Variants in HCRTR2 observed in about 807,000 individuals in gnomAD.
HCRTR2 encodes hypocretin receptor 2, also known as orexin receptor type 2.
A neutral mutation model predicts 49.0 loss-of-function variants in HCRTR2; 22 were observed. The ratio of observed to expected loss-of-function variants is 0.45; its 90% CI spans 0.32 to 0.64. The LOEUF is 0.64. HCRTR2 is among the 30% of genes least tolerant of loss of function. The pLI is 0.04. For missense variants in HCRTR2, 491 were observed against 559.4 expected (o/e 0.88, Z 1.23); for synonymous variants, 236 against 205.3 (o/e 1.15, Z -1.28).
intron 1 of HCRTR2, among the ~76,000 whole-genome samples, chr6:55,204,228 A>T (rs1413368292): frequency 6.6e-6 from 1 of 152,120 alleles, no homozygotes; most frequent in Non-Finnish European, 1.5e-5. Flanking sequence ...TGGTAGATGA[A>T]TACCCCAGCT....
chr6:55,161,954 A>G (rs1399994662), intron 1 of HCRTR2, among the ~76,000 whole-genome samples: 2 of 152,204 alleles, frequency 1.3e-5, no homozygotes, highest in African/African-American at 4.8e-5. Flanking sequence ...AACAACAGAA[A>G]AAGAAAGACT....
intron 1 of HCRTR2, among the ~76,000 whole-genome samples, chr6:55,225,832 G>A (rs1765993503): frequency 6.6e-6 from 1 of 152,150 alleles, no homozygotes; most frequent in Non-Finnish European, 1.5e-5. Context: ...AAGTATAAAT[G>A]TAATTAAATG....
chr6:55,169,739 A>G (rs1764922691), upstream of HCRTR2, among the ~76,000 whole-genome samples: 1 of 152,156 alleles, frequency 6.6e-6, no homozygotes, highest in Non-Finnish European at 1.5e-5. Flanking sequence ...AGCAAAGGAA[A>G]GAAAGCAACT....
At chr6:55,200,604 C>T (rs187127848) in intron 1 of HCRTR2, among the ~76,000 whole-genome samples, 2 of 152,212 alleles carry the variant, frequency 1.3e-5, no homozygotes, top group African/African-American at 4.8e-5. Flanking sequence ...TCTTCTTCTG[C>T]CCTGCTTATA....
intron 4 of HCRTR2, among the ~76,000 whole-genome samples, chr6:55,268,879 A>G (rs1030080448): frequency 6.6e-6 from 1 of 151,946 alleles, no homozygotes; most frequent in Admixed American, 6.6e-5. Context: ...TCACGAGGTC[A>G]GAAGATTGAG....
At chr6:55,283,500 C>G (rs894863739), downstream of HCRTR2, among the ~76,000 whole-genome samples, 2 of 151,918 alleles carry the variant, frequency 1.3e-5, no homozygotes, top group African/African-American at 4.8e-5. Flanking sequence ...GGCTGAGTAC[C>G]AGGTGGTTAA....
chr6:55,123,008 C>A (rs1581783356), intron 1 of HCRTR2, among the ~76,000 whole-genome samples: 1 of 151,048 alleles, frequency 6.6e-6, no homozygotes, highest in African/African-American at 2.4e-5. Flanking sequence ...AGGAGATATA[C>A]CTAAAGTAAA....
At chr6:55,183,584 G>A (rs1765168800) in intron 1 of HCRTR2, among the ~76,000 whole-genome samples, 1 of 152,160 alleles carries the variant, frequency 6.6e-6, no homozygotes. Flanking sequence ...TCATTGGTTT[G>A]CATTTTCCAT....
At chr6:55,177,119 G>A (rs985216384) in intron 1 of HCRTR2, among the ~76,000 whole-genome samples, 1 of 152,150 alleles carries the variant, frequency 6.6e-6, no homozygotes, top group Non-Finnish European at 1.5e-5. Context: ...TCTACAGTAA[G>A]GCTACTTGTT....
intron 4 of HCRTR2, among the ~76,000 whole-genome samples, chr6:55,269,087 CAA>C (rs1158724252): frequency 0.022 from 1,216 of 55,698 alleles, 15 homozygotes; most frequent in Middle Eastern, 0.07. Flanking sequence ...GACTCCGTCT[CAA>C]AAAAAAAAAA....
At position 55,128,001 on chromosome 6, in the gene HCRTR2, C is replaced by T. The variant is rs186274293; in HGVS notation, c.-378+21456C>T. Among the ~76,000 whole-genome samples, 5 of 152,260 alleles carry T rather than the reference C, an allele frequency of 3.3e-5. No homozygotes were observed. In the East Asian group the frequency reaches 9.6e-4, roughly 29 times the overall value. On this transcript the variant is annotated intron_variant, in intron 1 of 7. Transcript: ENST00000615358. ...CTTTGTCATGAAATCTTTGCCTATT[C>T]CTATGCCCTGAATGGTATTGCCCAG...
At chr6:55,223,040 T>C (rs1384655908) in intron 1 of HCRTR2, among the ~76,000 whole-genome samples, 1 of 152,224 alleles carries the variant, frequency 6.6e-6, no homozygotes, top group Non-Finnish European at 1.5e-5. Context: ...GTTTACTTAA[T>C]TTGTTAATAT....
intron 1 of HCRTR2, among the ~76,000 whole-genome samples, chr6:55,192,519 G>T (rs1765337303): frequency 6.6e-6 from 1 of 152,102 alleles, no homozygotes; most frequent in African/African-American, 2.4e-5. Flanking sequence ...AGCCCAGGAA[G>T]TCGAGGCTAC....
intron 1 of HCRTR2, among the ~76,000 whole-genome samples, chr6:55,113,236 A>G (rs1183403250): frequency 6.6e-6 from 1 of 152,096 alleles, no homozygotes; most frequent in Non-Finnish European, 1.5e-5. Context: ...CTTCATGACC[A>G]AGAACCCCAA....
At chr6:55,206,199 G>GAAAA (rs1765597955) in intron 1 of HCRTR2, among the ~76,000 whole-genome samples, 3 of 151,986 alleles carry the variant, frequency 2.0e-5, no homozygotes, top group Non-Finnish European at 4.4e-5. Flanking sequence ...CTGAGTTATG[G>GAAAA]CTCAAGAGCT....
At chr6:55,249,052 T>C (rs139452895) in intron 2 of HCRTR2, among the ~76,000 whole-genome samples, 73 of 152,280 alleles carry the variant, frequency 4.8e-4, no homozygotes, top group Admixed American at 2.0e-3. Context: ...GCACAACTTT[T>C]TTGATTACTA....
chr6:55,179,889 C>G (rs1357078073), intron 1 of HCRTR2, among the ~76,000 whole-genome samples: 2 of 152,118 alleles, frequency 1.3e-5, no homozygotes, highest in East Asian at 3.9e-4. Context: ...TCCGAAACAT[C>G]CACTGCTGAT....
At chr6:55,233,679 A>G (rs1191713576) in intron 1 of HCRTR2, among the ~76,000 whole-genome samples, 4 of 152,078 alleles carry the variant, frequency 2.6e-5, no homozygotes, top group Non-Finnish European at 5.9e-5. Context: ...TGGGCAAAAG[A>G]GCAAGACCCT....
intron 1 of HCRTR2, among the ~76,000 whole-genome samples, chr6:55,218,354 AAAAG>A (rs1394372822): frequency 1.3e-5 from 2 of 152,232 alleles, no homozygotes; most frequent in Non-Finnish European, 2.9e-5. Flanking sequence ...AAATACAGAT[AAAAG>A]TGCTATATGA....
Sources: gnomAD v4.1 joint callset for allele counts (sites outside exome capture counted in the v4.1 genomes callset) on GRCh38, gnomAD v4.1.1 for gene constraint, MANE v1.5 for transcripts, NCBI Gene and HGNC (gene_info 2026-07-23, HGNC 2026-07-21) for gene names.